Variants in FN1 observed in about 807,000 individuals in gnomAD.
The protein encoded by FN1 is fibronectin.
Under a neutral mutation model 297.3 loss-of-function variants are expected in FN1, and 106 were observed. That is an observed-to-expected ratio of 0.36 (90% confidence interval 0.30 to 0.42). FN1 has a LOEUF of 0.42. Among genes scored for constraint, FN1 ranks in the 10% least tolerant of loss-of-function variants. The probability of loss-of-function intolerance (pLI) is 1.00; values close to 1 mark genes in which losing one functional copy is unlikely to be tolerated. For missense variants in FN1, 2,690 were observed against 3,124.9 expected (o/e 0.86, Z 3.32); for synonymous variants, 1,149 against 1,152.6 (o/e 1.00, Z 0.06).
At chr2:215,370,082 TTACG>T (rs1445080893) in intron 41 of FN1, among the ~76,000 whole-genome samples, 17 of 152,194 alleles carry the variant, frequency 1.1e-4, no homozygotes, top group Non-Finnish European at 1.2e-4. Flanking sequence ...AGTCTGTCAA[TTACG>T]TATGCATTTT....
At chr2:215,423,013 C>G (rs2064694103) in intron 9 of FN1, among the ~76,000 whole-genome samples, 1 of 152,172 alleles carries the variant, frequency 6.6e-6, no homozygotes, top group Non-Finnish European at 1.5e-5. Context: ...ATGTTGTAAG[C>G]TACTCAGTTG....
intron 24 of FN1, among the ~76,000 whole-genome samples, chr2:215,393,999 ACTT>A (rs1442087965): frequency 6.6e-6 from 1 of 152,156 alleles, no homozygotes; most frequent in Non-Finnish European, 1.5e-5. Flanking sequence ...TGTGACTTTT[ACTT>A]CTTTTTTTTA....
At chr2:215,428,045 G>T in intron 6 of FN1, 135 bp downstream of exon 6, 1 of 1,090,076 alleles carries the variant, frequency 9.2e-7, no homozygotes. Context: ...AACCAATAAT[G>T]TGTAAATTAT....
chr2:215,375,463 C>A, intron 37 of FN1, 70 bp from the exon 38 acceptor site: 1 of 1,459,452 alleles, frequency 6.9e-7, no homozygotes, highest in East Asian at 2.4e-5. Context: ...ACTTTTCTCC[C>A]GAGCCGTTCT....
chr2:215,378,073 G>C (rs886638260), intron 35 of FN1, 102 bp downstream of exon 35: 29 of 809,346 alleles, frequency 3.6e-5, no homozygotes, highest in Non-Finnish European at 4.7e-5. Context: ...TTCCCAAAGT[G>C]CTTGGATTTT....
At chr2:215,368,876 A>C (rs1209840070) in intron 41 of FN1, among the ~76,000 whole-genome samples, 1 of 152,180 alleles carries the variant, frequency 6.6e-6, no homozygotes, top group African/African-American at 2.4e-5. Flanking sequence ...GCATGCTTCA[A>C]ATTATTCCCT....
chr2:215,431,719 C>A (rs1019231011), intron 4 of FN1, 114 bp downstream of exon 4: 13 of 1,095,100 alleles, frequency 1.2e-5, no homozygotes, highest in African/African-American at 3.1e-5. Context: ...ATTCCCATTT[C>A]TTTATTGGTT....
Position 215,370,343 on chromosome 2 carries a change from G to C in FN1, c.6804C>G (p.Asp2268Glu). ...TYNVIVEALK[D>E]QQRHKVREEV... ...CTTCCCGAACCTTATGCCTCTGCTG[G>C]TCTTTCAGTGCCTCCACTATGACGT... Residue 2268 changes from aspartate (D) to glutamate (E), a missense_variant, in exon 41 of 46, where the codon GAC becomes GAG. Coordinates refer to ENST00000354785, the MANE Select transcript of FN1 (RefSeq NM_212482.4). 2 of 1,613,936 alleles carry C rather than the reference G, an allele frequency of 1.2e-6. No homozygotes were observed. The highest frequency in any genetic ancestry group is 1.7e-6 in the Non-Finnish European group (2 of 1,179,968).
intron 40 of FN1, among the ~76,000 whole-genome samples, chr2:215,371,271 G>GGA (rs1553601395): frequency 6.8e-6 from 1 of 146,898 alleles, no homozygotes; most frequent in African/African-American, 2.5e-5. Context: ...CCATCTCGGG[G>GGA]AAAAAAAAAA....
intron 45 of FN1, 128 bp downstream of exon 45, chr2:215,361,841 A>C: frequency 7.6e-7 from 1 of 1,318,616 alleles, no homozygotes; most frequent in Non-Finnish European, 1.0e-6. Flanking sequence ...ACAGTGTTTC[A>C]CTTAAGTCAT....
At chr2:215,376,263 G>A (rs187174802) in intron 36 of FN1, among the ~76,000 whole-genome samples, 88 of 152,280 alleles carry the variant, frequency 5.8e-4, no homozygotes, top group Non-Finnish European at 1.0e-3. Context: ...AATGATGGAA[G>A]ATCAAACTTG....
intron 19 of FN1, 57 bp downstream of exon 19, chr2:215,406,181 A>G (rs2061752934): frequency 6.4e-7 from 1 of 1,558,106 alleles, no homozygotes. Context: ...ACTTTCTCAC[A>G]GGCTGCAAGT....
intron 27 of FN1, 133 bp from the exon 28 acceptor site, chr2:215,387,091 C>T (rs1232089777): frequency 2.7e-6 from 2 of 752,148 alleles, no homozygotes; most frequent in Non-Finnish European, 4.3e-6. Context: ...CCATGATTTG[C>T]CATAAACCAA....
chr2:215,406,199 G>A (rs2106260921), intron 19 of FN1, 39 bp downstream of exon 19: 1 of 1,606,024 alleles, frequency 6.2e-7, no homozygotes, highest in South Asian at 1.1e-5. Flanking sequence ...AGTGAGGGTG[G>A]AGAATTTGGA....
rs558405300 is a variant in FN1 at position 215,428,711 on chromosome 2, G to T, written c.686-373C>A. 6.1e-4 allele frequency among the ~76,000 whole-genome samples: 93 copies of T among 152,156 alleles called. No individual in the cohort carries two copies. In the Middle Eastern group the frequency reaches 0.017, roughly 28 times the overall value. On this transcript the variant is annotated intron_variant, in intron 5 of 45. Transcript: ENST00000354785. Reference sequence around the variant, plus strand: ...TGTTTATGGCCTGCCTTTCAATAGGGACCTTGCTTTAGAAAACTAAAAACA... The same window carrying T: ...TGTTTATGGCCTGCCTTTCAATAGGTACCTTGCTTTAGAAAACTAAAAACA...
intron 12 of FN1, 71 bp from the exon 13 acceptor site, chr2:215,415,029 A>G (rs2063244529): frequency 8.4e-7 from 1 of 1,189,922 alleles, no homozygotes; most frequent in Non-Finnish European, 1.3e-6. Context: ...GTGTACATGG[A>G]CAGTCATCAT....
Position 215,422,160 on chromosome 2 carries a change from T to C in FN1, c.1477A>G (p.Met493Val), listed in dbSNP as rs886960105. ...QWDKQHDMGH[M>V]MRCTCVGNGR... ...TTCCCAACACACGTGCACCTCATCATGTGACCCATGTCATGCTGCTTATCC... is the reference window on the plus strand; with the variant it reads ...TTCCCAACACACGTGCACCTCATCACGTGACCCATGTCATGCTGCTTATCC... The change falls in exon 10 of 46, where the codon ATG becomes GTG. Residue 493 changes from methionine (M) to valine (V), a missense_variant. By Grantham distance (21) the Met-to-Val change is conservative (BLOSUM62 1). Coordinates refer to ENST00000354785, the MANE Select transcript of FN1 (RefSeq NM_212482.4). 10 of 1,614,062 alleles carry C rather than the reference T, an allele frequency of 6.2e-6. No homozygotes were observed. Among genetic ancestry groups the C allele is most frequent in the Non-Finnish European group, 8.5e-6 (10 of 1,179,994 alleles).
At chr2:215,414,769 AAAAG>A in intron 13 of FN1, 64 bp downstream of exon 13, 2 of 1,602,014 alleles carry the variant, frequency 1.2e-6, no homozygotes, top group Non-Finnish European at 8.5e-7. Context: ...AGCTGGGAAA[AAAAG>A]AAACCATCAG....
At chr2:215,365,434 T>G in intron 43 of FN1, 71 bp downstream of exon 43, 191 of 1,493,862 alleles carry the variant, frequency 1.3e-4, no homozygotes, top group Non-Finnish European at 1.6e-4. Context: ...TTTCTGTGAA[T>G]GAGAGTTACA....
Sources: allele counts gnomAD v4.1 joint callset (sites outside exome capture counted in the v4.1 genomes callset), GRCh38; gene constraint gnomAD v4.1.1; transcripts MANE v1.5; gene names NCBI Gene and HGNC (gene_info 2026-07-23, HGNC 2026-07-21).